Variants in AXL observed in about 807,000 individuals in gnomAD.
AXL encodes the protein AXL receptor tyrosine kinase.
AXL carries 52 observed loss-of-function variants against 104.5 expected under a neutral mutation model. The observed-to-expected ratio is 0.50, with a 90% CI of 0.40 to 0.63. The LOEUF (loss-of-function observed/expected upper bound fraction) is 0.63, where lower values mean the gene tolerates loss of function less well. Ranked by LOEUF, AXL falls within the 20% of genes least tolerant of loss-of-function variation. AXL has a pLI of 0.00. For synonymous variants in AXL, 455 were observed against 473.7 expected (o/e 0.96, Z 0.51); for missense variants, 1,024 against 1,188.5 (o/e 0.86, Z 2.04).
chr19:41,243,048 C>T (rs746931216), intron 11 of AXL, 33 bp downstream of exon 11: 2 of 1,613,592 alleles, frequency 1.2e-6, no homozygotes, highest in Non-Finnish European at 1.7e-6. Context: ...GGCTGTGTGG[C>T]CTGGGATGGA....
At chr19:41,248,870 T>C in intron 14 of AXL, 50 bp downstream of exon 14, 1 of 1,528,006 alleles carries the variant, frequency 6.5e-7, no homozygotes, top group Non-Finnish European at 8.8e-7. Context: ...CCTATGCCCC[T>C]GAGACAGAAG....
chr19:41,226,220 G>A (rs1010286169), intron 4 of AXL, among the ~76,000 whole-genome samples: 3 of 152,142 alleles, frequency 2.0e-5, no homozygotes, highest in Admixed American at 1.3e-4. Context: ...GAATGCTGCG[G>A]TCGGAACGGG....
chr19:41,256,635 G>A, intron 18 of AXL, 24 bp downstream of exon 18: 1 of 1,607,618 alleles, frequency 6.2e-7, no homozygotes, highest in African/African-American at 1.3e-5. Context: ...CGCCAAGAGT[G>A]GGGAACCATG....
At position 41,219,468 on chromosome 19, in the gene AXL, G is replaced by GC; in HGVS notation, c.81dup (p.Arg28GlnfsTer6). On this transcript the variant is annotated frameshift_variant, in exon 1 of 20. Coordinates refer to ENST00000301178, the MANE Select transcript of AXL (RefSeq NM_021913.5). LOFTEE classifies it high-confidence loss of function. ...GGCGCTGTGCGGCTGGGCGTGCATG[G>GC]CCCCCAGGGGTGAGTGATGGGGGCT... The GC allele has an allele frequency of 6.2e-7, 1 of 1,604,310 alleles. No individual in the cohort carries two copies.
intron 6 of AXL, among the ~76,000 whole-genome samples, chr19:41,231,542 G>C (rs1399670979): frequency 1.3e-5 from 2 of 152,142 alleles, no homozygotes; most frequent in African/African-American, 4.8e-5. Context: ...TGGACATAAT[G>C]GTAGTGCCTA....
intron 7 of AXL, 132 bp from the exon 8 acceptor site, chr19:41,238,338 C>T: frequency 6.7e-7 from 1 of 1,485,820 alleles, no homozygotes; most frequent in Admixed American, 1.9e-5. Flanking sequence ...CTCCCCTGTG[C>T]TTCCTCTCAT....
At chr19:41,236,569 T>G (rs956417057) in intron 6 of AXL, among the ~76,000 whole-genome samples, 1 of 151,414 alleles carries the variant, frequency 6.6e-6, no homozygotes, top group Admixed American at 6.6e-5. Flanking sequence ...TTGCCTGAGG[T>G]CAAGAGTTTG....
chr19:41,230,985 C>T lies in AXL; in HGVS notation c.605C>T (p.Ser202Phe), dbSNP rs755470829. The stretch of plus-strand genomic sequence containing the variant: ...TCCCTAGGGCTGAACAAGACATCCT[C>T]TTTCTCCTGCGAAGCCCATAACGCC... ...LHVPGLNKTS[S>F]FSCEAHNAKG... The change falls in exon 5 of 20, where the codon TCT becomes TTT. Residue 202 changes from serine (S) to phenylalanine (F), a missense_variant. Around this residue, in one of 5 missense-constraint regions of AXL, gnomAD observed 332 missense variants for 343.9 expected, o/e 0.97. Coordinates refer to ENST00000301178, the MANE Select transcript of AXL (RefSeq NM_021913.5). 11 of 1,613,832 alleles carry T rather than the reference C, an allele frequency of 6.8e-6. No individual in the cohort carries two copies. The highest frequency in any genetic ancestry group is 4.5e-5 in the East Asian group (2 of 44,890).
Position 41,238,664 on chromosome 19 carries a change from C to T in AXL, c.1134+55C>T, listed in dbSNP as rs1470342988. ...GTGGCTTGGGGAGGAGGGAGGAGAACATATCAGGGCAGACATAGATGGTTG... is the reference window on the plus strand; with the variant it reads ...GTGGCTTGGGGAGGAGGGAGGAGAATATATCAGGGCAGACATAGATGGTTG... On this transcript the variant is annotated intron_variant, in intron 8 of 19. Transcript: ENST00000301178. 2.6e-6 allele frequency: 4 copies of T among 1,549,638 alleles called. No individual in the cohort carries two copies. In the African/African-American group the frequency reaches 4.1e-5, roughly 16 times the overall value.
chr19:41,219,536 G>A, intron 1 of AXL, 59 bp downstream of exon 1: 1 of 1,540,496 alleles, frequency 6.5e-7, no homozygotes. Context: ...GGCAGGGGTA[G>A]GAGGTGGGGG....
At chr19:41,246,830 C>G in intron 12 of AXL, among the ~76,000 whole-genome samples, 1 of 151,840 alleles carries the variant, frequency 6.6e-6, no homozygotes, top group Non-Finnish European at 1.5e-5. Flanking sequence ...GCTGGGTGAA[C>G]CACTGTGAAC....
intron 10 of AXL, 33 bp downstream of exon 10, chr19:41,239,753 C>T: frequency 6.2e-7 from 1 of 1,613,162 alleles, no homozygotes; most frequent in Non-Finnish European, 8.5e-7. Flanking sequence ...TCCTCCTTCC[C>T]TACCCTCAAC....
rs1328864565 is a variant in AXL, at chr19:41,257,533, G to A, written c.2237G>A (p.Gly746Asp). The A allele has an allele frequency of 6.2e-7, 1 of 1,613,938 alleles. No homozygotes were observed. Among genetic ancestry groups the A allele is most frequent in the Non-Finnish European group, 8.5e-7 (1 of 1,180,004 alleles). ...ACAATGTGGGAGATTGCCACAAGAGGCCAAACCCCATATCCGGGCGTGGAG... is the reference window on the plus strand; with the variant it reads ...ACAATGTGGGAGATTGCCACAAGAGACCAAACCCCATATCCGGGCGTGGAG... ...GVTMWEIATRGQTPYPGVENS... is the reference protein window; with the variant it reads ...GVTMWEIATRDQTPYPGVENS... Residue 746 changes from glycine to aspartate, a missense_variant, in exon 19 of 20, where the codon GGC becomes GAC. This residue lies in a region of AXL where 523 missense variants were observed against 636.0 expected (regional missense o/e 0.82). Transcript: ENST00000301178.
At chr19:41,235,523 G>C (rs1274293137) in intron 6 of AXL, among the ~76,000 whole-genome samples, 2 of 152,278 alleles carry the variant, frequency 1.3e-5, no homozygotes, top group Non-Finnish European at 2.9e-5. Context: ...AGAAGACTGA[G>C]GCACACAGCT....
At position 41,261,180 on chromosome 19, in the gene AXL, TTAAA is replaced by T. The variant is rs2034536617; in HGVS notation, c.*1280_*1283del. On this transcript the variant is annotated 3_prime_UTR_variant, in exon 20 of 20. Transcript: ENST00000301178. Reference sequence around the variant, plus strand: ...TCAGATGCTCCAAGATTCTAGATGATTAAATAAGATTCTAACGGTCTGTTCTGTT... The same window carrying T: ...TCAGATGCTCCAAGATTCTAGATGATTAAGATTCTAACGGTCTGTTCTGTT... The T allele has an allele frequency of 6.6e-6, 1 of 152,576 alleles. No homozygotes were observed. The highest frequency in any genetic ancestry group is 2.4e-5 in the African/African-American group (1 of 41,442). The allele number at this position is 152,576 out of a possible 1,614,324, so 9.5% of individuals were successfully genotyped here.
In AXL at chr19:41,242,911, G is replaced by A. The variant is rs760218199; in HGVS notation, c.1341G>A (p.Ser447=). The part of the protein sequence containing the change: ...LVKEPSTPAF[S]WPWWYVLLGA... ...AGGAACCTTCAACTCCTGCCTTCTC[G>A]TGGCCCTGGTGGTATGTACTGCTAG... Residue 447 remains serine (S), a synonymous_variant, in exon 11 of 20, where the codon TCG becomes TCA. Transcript: ENST00000301178. The A allele has an allele frequency of 6.2e-6, 10 of 1,614,024 alleles. No individual in the cohort carries two copies. Among genetic ancestry groups the A allele is most frequent in the South Asian group, 2.2e-5 (2 of 91,088 alleles).
intron 4 of AXL, among the ~76,000 whole-genome samples, chr19:41,222,799 G>A (rs930791808): frequency 2.0e-5 from 3 of 151,924 alleles, no homozygotes; most frequent in African/African-American, 7.3e-5. Context: ...CCAGCTACTC[G>A]GGAGGCTGAG....
intron 4 of AXL, among the ~76,000 whole-genome samples, chr19:41,224,976 C>T (rs905071758): frequency 1.3e-5 from 2 of 152,070 alleles, no homozygotes; most frequent in Admixed American, 6.6e-5. Context: ...ATCAGGCCTG[C>T]GCATCTACGA....
At chr19:41,233,012 C>CA (rs2034018649) in intron 6 of AXL, among the ~76,000 whole-genome samples, 1 of 151,446 alleles carries the variant, frequency 6.6e-6, no homozygotes, top group South Asian at 2.1e-4. Context: ...TTTTTTGAGA[C>CA]AGAGTCTCGC....
Sources: gnomAD v4.1 joint callset for allele counts (sites outside exome capture counted in the v4.1 genomes callset) on GRCh38, gnomAD v4.1.1 for gene constraint, gnomAD v4.1.1 regional missense constraint, MANE v1.5 for transcripts, NCBI Gene and HGNC (gene_info 2026-07-23, HGNC 2026-07-21) for gene names.